The following RFX6 variants were observed in gnomAD, a reference collection of about 807,000 sequenced individuals.
The protein encoded by RFX6 is DNA-binding protein RFX6.
In RFX6, 50 loss-of-function variants were observed where a neutral mutation model predicts 110.8. The ratio of observed to expected loss-of-function variants is 0.45; its 90% CI spans 0.36 to 0.57. The LOEUF (loss-of-function observed/expected upper bound fraction) is 0.57, where lower values mean the gene tolerates loss of function less well. RFX6 is among the 20% of genes least tolerant of loss of function. The pLI, the probability that RFX6 is intolerant of heterozygous loss-of-function variation, is 0.00. For synonymous variants in RFX6, 383 were observed against 411.2 expected, an observed-to-expected ratio of 0.93 and a Z score of 0.83; for missense variants, 990 against 1,127.0, an observed-to-expected ratio of 0.88 and a Z score of 1.74.
intron 2 of RFX6, among the ~76,000 whole-genome samples, chr6:116,878,371 G>A (rs1378471892): frequency 6.6e-6 from 1 of 152,028 alleles, no homozygotes; most frequent in Non-Finnish European, 1.5e-5. Context: ...ATTCAAAAGA[G>A]GGCAAATTAA....
intron 2 of RFX6, among the ~76,000 whole-genome samples, chr6:116,878,764 T>C (rs1774523490): frequency 6.6e-6 from 1 of 151,890 alleles, no homozygotes; most frequent in African/African-American, 2.4e-5. Flanking sequence ...AACCTAATTT[T>C]GTGTAAAGTA....
intron 18 of RFX6, among the ~76,000 whole-genome samples, chr6:116,929,196 C>A (rs1432735956): frequency 6.6e-6 from 1 of 152,132 alleles, no homozygotes; most frequent in Non-Finnish European, 1.5e-5. Flanking sequence ...ACTGCTAGAT[C>A]TGTTACTTTT....
At chr6:116,882,046 A>T (rs775040742) in intron 3 of RFX6, among the ~76,000 whole-genome samples, 1 of 152,100 alleles carries the variant, frequency 6.6e-6, no homozygotes, top group Non-Finnish European at 1.5e-5. Context: ...AATTATATGA[A>T]GAGACCCAAA....
chr6:116,916,371 A>G (rs1775463734), intron 9 of RFX6, 57 bp downstream of exon 9: 1 of 986,856 alleles, frequency 1.0e-6, no homozygotes, highest in Non-Finnish European at 1.6e-6. Flanking sequence ...GTAGCATTCT[A>G]TCTAAATTCT....
chr6:116,881,243 G>T (rs339352), intron 3 of RFX6, among the ~76,000 whole-genome samples: 102,642 of 151,192 alleles, frequency 0.68, 35,553 homozygotes, highest in East Asian at 0.89. Context: ...CTTATATATA[G>T]AGAGAGAGAC....
rs536733384 is a variant in RFX6 at position 116,877,851 on chromosome 6, C to T, written c.279C>T (p.His93=). 6 of 1,613,968 alleles carry T rather than the reference C, an allele frequency of 3.7e-6. No homozygotes were observed. Among genetic ancestry groups the T allele is most frequent in the Admixed American group, 1.7e-5 (1 of 59,996 alleles). ...FSSEEEDADN[H]DSKTKAADQY... ...CTGAAGAAGAGGACGCCGACAACCACGACAGCAAAACCAAAGCAGCGGATC... is the reference window on the plus strand; with the variant it reads ...CTGAAGAAGAGGACGCCGACAACCATGACAGCAAAACCAAAGCAGCGGATC... Residue 93 remains histidine, a synonymous_variant, in exon 2 of 19, where the codon CAC becomes CAT. Coordinates refer to ENST00000332958, the MANE Select transcript of RFX6 (RefSeq NM_173560.4).
intron 4 of RFX6, among the ~76,000 whole-genome samples, chr6:116,887,087 T>TA (rs1774715017): frequency 1.3e-5 from 2 of 150,892 alleles, no homozygotes; most frequent in East Asian, 3.9e-4. Context: ...AAAACAAAAA[T>TA]AAAAAAATAA....
rs369019262 is a variant in RFX6 at position 116,880,565 on chromosome 6, A to G, written c.402A>G (p.Val134=). 12 of 1,613,064 alleles carry G rather than the reference A, an allele frequency of 7.4e-6. No homozygotes were observed. Among genetic ancestry groups the G allele is most frequent in the Middle Eastern group, 3.3e-4 (2 of 6,060 alleles). ...TLQWLEENYI[V]CEGVCLPRCI... The stretch of plus-strand genomic sequence containing the variant: ...TTAGGCTTGAAGAGAATTACATTGT[A>G]TGTGAAGGAGTTTGCTTACCACGGT... Residue 134 remains valine, a synonymous_variant, in exon 3 of 19, where the codon GTA becomes GTG. Transcript: ENST00000332958.
chr6:116,885,267 A>G (rs988960990), intron 4 of RFX6, among the ~76,000 whole-genome samples: 1 of 152,224 alleles, frequency 6.6e-6, no homozygotes, highest in African/African-American at 2.4e-5. Context: ...TGGGTATACA[A>G]TATCTTATAG....
chr6:116,880,757 T>C (rs1774573237), intron 3 of RFX6, 90 bp downstream of exon 3: 1 of 1,386,502 alleles, frequency 7.2e-7, no homozygotes, highest in Non-Finnish European at 1.0e-6. Flanking sequence ...CAAGTTCTCT[T>C]AGAGAATATT....
In RFX6 at chr6:116,931,530, T is replaced by A; in HGVS notation, c.*24T>A. 1 of 1,554,088 alleles carries A rather than the reference T, an allele frequency of 6.4e-7. No homozygotes were observed. The highest frequency in any genetic ancestry group is 1.4e-5 in the African/African-American group (1 of 73,620). ...AAACCACCAATGTGGGAGGGGGTGC[T>A]AAAACTTTAAAAAAAATCTCTACTG... On this transcript the variant is annotated 3_prime_UTR_variant, in exon 19 of 19. Coordinates refer to ENST00000332958, the MANE Select transcript of RFX6 (RefSeq NM_173560.4).
chr6:116,895,876 C>T (rs1367047092), intron 6 of RFX6, among the ~76,000 whole-genome samples: 1 of 152,148 alleles, frequency 6.6e-6, no homozygotes, highest in Admixed American at 6.5e-5. Flanking sequence ...TGTAGTAAAT[C>T]TGGACCTGAG....
chr6:116,881,910 A>G (rs969983808), intron 3 of RFX6, among the ~76,000 whole-genome samples: 1 of 152,130 alleles, frequency 6.6e-6, no homozygotes, highest in African/African-American at 2.4e-5. Flanking sequence ...TAGCAACTTT[A>G]GAGAAAGGAA....
At chr6:116,906,311 CTT>C (rs1388529905) in intron 6 of RFX6, among the ~76,000 whole-genome samples, 1 of 152,112 alleles carries the variant, frequency 6.6e-6, no homozygotes, top group African/African-American at 2.4e-5. Flanking sequence ...TCTTCTCTGA[CTT>C]TGTTCTTCTT....
At chr6:116,906,285 G>A (rs981629320) in intron 6 of RFX6, among the ~76,000 whole-genome samples, 2 of 152,140 alleles carry the variant, frequency 1.3e-5, no homozygotes, top group Non-Finnish European at 1.5e-5. Flanking sequence ...TTTATAGTAC[G>A]TTTGAAATCA....
Position 116,903,986 on chromosome 6 carries a change from A to G in RFX6, c.673-6949A>G, listed in dbSNP as rs565564055. 5.9e-5 allele frequency among the ~76,000 whole-genome samples: 9 copies of G among 152,158 alleles called. No homozygotes were observed. The South Asian group carries it at 1.9e-3, about 32-fold the overall frequency. On this transcript the variant is annotated intron_variant, in intron 6 of 18. Coordinates refer to ENST00000332958, the MANE Select transcript of RFX6 (RefSeq NM_173560.4). ...ACTAGTAAAGGTGAAATTATTTTCC[A>G]GAGTGGTTGTATCAACTTCTGTCTC...
chr6:116,879,970 T>C (rs1338848074), intron 2 of RFX6, among the ~76,000 whole-genome samples: 1 of 152,062 alleles, frequency 6.6e-6, no homozygotes, highest in African/African-American at 2.4e-5. Flanking sequence ...TAGATAATTA[T>C]AGTACTGATG....
chr6:116,923,513 TA>T (rs1268641122), intron 14 of RFX6: 11 of 406,030 alleles, frequency 2.7e-5, no homozygotes, highest in Non-Finnish European at 4.6e-5. Flanking sequence ...ATGATGTATA[TA>T]AAAACAAATT....
At chr6:116,903,350 T>C (rs1775118427) in intron 6 of RFX6, among the ~76,000 whole-genome samples, 1 of 152,070 alleles carries the variant, frequency 6.6e-6, no homozygotes, top group African/African-American at 2.4e-5. Context: ...TTTTTAAAAG[T>C]ATTAGAATTA....
Sources: allele counts gnomAD v4.1 joint callset (sites outside exome capture counted in the v4.1 genomes callset), GRCh38; gene constraint gnomAD v4.1.1; transcripts MANE v1.5; gene names NCBI Gene and HGNC (gene_info 2026-07-23, HGNC 2026-07-21).